The following FRYL variants were observed in gnomAD, a reference collection of about 807,000 sequenced individuals.
FRYL encodes protein furry homolog-like.
In FRYL, 150 loss-of-function variants were observed where a neutral mutation model predicts 351.2. The ratio of observed to expected loss-of-function variants is 0.43; its 90% confidence interval spans 0.37 to 0.49. The LOEUF (loss-of-function observed/expected upper bound fraction) is 0.49, where lower values mean the gene tolerates loss of function less well. Ranked by LOEUF, FRYL falls within the 20% of genes least tolerant of loss-of-function variation. The pLI is 0.00. For missense variants in FRYL, 3,036 were observed against 3,619.3 expected (o/e 0.84, Z 4.13); for synonymous variants, 1,153 against 1,257.1 (o/e 0.92, Z 1.75).
chr4:48,581,730 T>C (rs1219177241), intron 20 of FRYL, 125 bp from the exon 21 acceptor site: 2 of 694,084 alleles, frequency 2.9e-6, no homozygotes, highest in African/African-American at 1.8e-5. Flanking sequence ...GCTCAAGCAA[T>C]GTAAATCGCA....
intron 4 of FRYL, among the ~76,000 whole-genome samples, chr4:48,623,843 T>G (rs540798610): frequency 6.6e-6 from 1 of 151,964 alleles, no homozygotes; most frequent in African/African-American, 2.4e-5. Flanking sequence ...TATAATATAT[T>G]GTATATACAC....
At chr4:48,592,116 T>TATATATATA (rs1553942046) in intron 16 of FRYL, among the ~76,000 whole-genome samples, 1 of 84,332 alleles carries the variant, frequency 1.2e-5, no homozygotes, top group Non-Finnish European at 2.3e-5. Context: ...ATATATATAT[T>TATATATATA]TTATCTAAGT....
Position 48,534,535 on chromosome 4 carries a change from G to A in FRYL, c.6705+10C>T. 2 of 1,595,946 alleles carry A rather than the reference G, an allele frequency of 1.3e-6. No homozygotes were observed. Among genetic ancestry groups the A allele is most frequent in the African/African-American group, 1.3e-5 (1 of 74,184 alleles). Reference sequence around the variant, plus strand: ...GAAAAATGTTATATGTAAGTTTTGTGGTCACTCACCTGTACATATTTGCCA... The same window carrying A: ...GAAAAATGTTATATGTAAGTTTTGTAGTCACTCACCTGTACATATTTGCCA... On this transcript the variant is annotated intron_variant, in intron 49 of 63. Transcript: ENST00000358350.
At chr4:48,637,047 G>GA (rs1041746204) in intron 3 of FRYL, 1 of 151,826 alleles carries the variant, frequency 6.6e-6, no homozygotes, top group East Asian at 1.9e-4. Flanking sequence ...TAGACAGCAG[G>GA]AAAAAATATG....
intron 56 of FRYL, among the ~76,000 whole-genome samples, chr4:48,513,760 C>A (rs1722967007): frequency 1.3e-5 from 2 of 152,198 alleles, no homozygotes; most frequent in South Asian, 4.1e-4. Flanking sequence ...AATTTTAAAA[C>A]TGTCACTGTG....
At chr4:48,623,647 A>C (rs1751144806) in intron 4 of FRYL, among the ~76,000 whole-genome samples, 1 of 152,158 alleles carries the variant, frequency 6.6e-6, no homozygotes, top group African/African-American at 2.4e-5. Context: ...GAATGACCAT[A>C]GGCTGATGCC....
intron 1 of FRYL, among the ~76,000 whole-genome samples, chr4:48,729,620 C>T (rs933113834): frequency 1.4e-4 from 21 of 152,142 alleles, no homozygotes; most frequent in African/African-American, 5.1e-4. Flanking sequence ...AGTGGACCTC[C>T]AGCAAACTCC....
At chr4:48,701,551 C>A (rs1239699331) in intron 2 of FRYL, among the ~76,000 whole-genome samples, 1 of 152,168 alleles carries the variant, frequency 6.6e-6, no homozygotes, top group Non-Finnish European at 1.5e-5. Flanking sequence ...TATATGAAAT[C>A]ATTTTGCAAG....
At chr4:48,543,707 A>C in intron 44 of FRYL, 100 bp downstream of exon 44, 1 of 966,894 alleles carries the variant, frequency 1.0e-6, no homozygotes, top group Non-Finnish European at 1.5e-6. Context: ...ATAATTCTAG[A>C]TGCCCATTAT....
At chr4:48,668,693 A>G (rs1275095858) in intron 3 of FRYL, among the ~76,000 whole-genome samples, 1 of 152,210 alleles carries the variant, frequency 6.6e-6, no homozygotes, top group African/African-American at 2.4e-5. Context: ...AAGAAACAAT[A>G]CTTTCATGTT....
At chr4:48,564,243 T>C in intron 30 of FRYL, 141 bp from the exon 31 acceptor site, 2 of 952,772 alleles carry the variant, frequency 2.1e-6, no homozygotes, top group Non-Finnish European at 3.0e-6. Context: ...TTCACCTCCC[T>C]CTCATTTTAT....
intron 2 of FRYL, among the ~76,000 whole-genome samples, chr4:48,699,435 G>A (rs1205273356): frequency 6.6e-6 from 1 of 152,168 alleles, no homozygotes; most frequent in Non-Finnish European, 1.5e-5. Context: ...ATGCTTATTT[G>A]AAGACTAAAT....
chr4:48,713,404 C>A (rs10008285), intron 1 of FRYL, among the ~76,000 whole-genome samples: 78,064 of 151,678 alleles, frequency 0.51, 20,479 homozygotes, highest in South Asian at 0.61. Flanking sequence ...CACATAGGCT[C>A]AAAATAAAGG....
In FRYL at chr4:48,632,029, G is replaced by A. The variant is rs1753069119; in HGVS notation, c.120+2262C>T. On this transcript the variant is annotated intron_variant, in intron 4 of 63. Transcript: ENST00000358350. ...AATTGCGCCACTGAACTCCAGCCTGGGAGACACAGCAAGACCCTGTCTCTC... is the reference window on the plus strand; with the variant it reads ...AATTGCGCCACTGAACTCCAGCCTGAGAGACACAGCAAGACCCTGTCTCTC... Among the ~76,000 whole-genome samples the A allele has an allele frequency of 2.7e-5, 3 of 110,414 alleles. 1 individual carries two copies. The South Asian group carries it at 1.0e-3, about 38-fold the overall frequency. 72.4% of individuals were successfully genotyped at this position (110,414 alleles called of 152,430 possible).
Position 48,531,326 on chromosome 4 carries a change from T to C in FRYL, c.6733A>G (p.Ile2245Val). Residue 2245 changes from isoleucine to valine, a missense_variant, in exon 50 of 64, where the codon ATA becomes GTA. Ile to Val is a conservative substitution (Grantham distance 29, BLOSUM62 3). Coordinates refer to ENST00000358350, the MANE Select transcript of FRYL (RefSeq NM_015030.2). ...GAGCGTGACACCACCAGCTTTAATA[T>C]GTTAAGGGCTTCCTTCCAGTAAGGA... Reference protein sequence around the residue: ...QSPYWKEALNILKLVVSRSAS... With the variant: ...QSPYWKEALNVLKLVVSRSAS... The C allele has an allele frequency of 1.9e-6, 3 of 1,613,574 alleles. No individual in the cohort carries two copies. Among genetic ancestry groups the C allele is most frequent in the Non-Finnish European group, 2.5e-6 (3 of 1,179,612 alleles).
chr4:48,755,817 A>G (rs1388303074), intron 1 of FRYL, among the ~76,000 whole-genome samples: 1 of 152,136 alleles, frequency 6.6e-6, no homozygotes, highest in Non-Finnish European at 1.5e-5. Context: ...AAGGCAACAC[A>G]AGGAACTATC....
At position 48,634,456 on chromosome 4, in the gene FRYL, A is replaced by C; in HGVS notation, c.-46T>G. ...AAGTGGAATGAAAGTTGGAAGAAGC[A>C]CAGTATTTATTTACTTTGCTGACTG... On this transcript the variant is annotated 5_prime_UTR_variant, in exon 4 of 64. Transcript: ENST00000358350. 6.2e-7 allele frequency: 1 copy of C among 1,611,870 alleles called. No homozygotes were observed.
At chr4:48,575,992 A>G in intron 24 of FRYL, 38 bp downstream of exon 24, 1 of 1,423,532 alleles carries the variant, frequency 7.0e-7, no homozygotes, top group Non-Finnish European at 9.3e-7. Flanking sequence ...GGGGCCATTC[A>G]GATTTCATAT....
At chr4:48,761,298 T>C (rs1774397646) in intron 1 of FRYL, among the ~76,000 whole-genome samples, 1 of 152,150 alleles carries the variant, frequency 6.6e-6, no homozygotes, top group Non-Finnish European at 1.5e-5. Flanking sequence ...TCCAACATAT[T>C]TATATAAAAT....
Sources: allele counts gnomAD v4.1 joint callset (sites outside exome capture counted in the v4.1 genomes callset), GRCh38; gene constraint gnomAD v4.1.1; transcripts MANE v1.5; gene names NCBI Gene and HGNC (gene_info 2026-07-23, HGNC 2026-07-21).